The following NRG3 variants were observed in gnomAD, a reference collection of about 807,000 sequenced individuals.
NRG3 encodes pro-neuregulin-3, membrane-bound isoform.
NRG3 carries 31 observed loss-of-function variants against 66.9 expected under a neutral mutation model. The observed-to-expected ratio is 0.46, with a 90% confidence interval of 0.35 to 0.63. NRG3 has a LOEUF of 0.63. NRG3 is among the 20% of genes least tolerant of loss of function. The probability of loss-of-function intolerance (pLI) is 0.00; values close to 1 mark genes in which losing one functional copy is unlikely to be tolerated. For synonymous variants in NRG3, 393 were observed against 359.4 expected (o/e 1.09, Z -1.06); for missense variants, 910 against 878.9 (o/e 1.04, Z -0.45).
At chr10:82,336,368 G>A (rs2082386103) in intron 1 of NRG3, among the ~76,000 whole-genome samples, 1 of 152,062 alleles carries the variant, frequency 6.6e-6, no homozygotes, top group Admixed American at 6.5e-5. Context: ...ACAAAAGGAG[G>A]GGAGCTCATG....
At chr10:82,901,168 T>A (rs1247157502) in intron 4 of NRG3, among the ~76,000 whole-genome samples, 1 of 152,220 alleles carries the variant, frequency 6.6e-6, no homozygotes, top group African/African-American at 2.4e-5. Flanking sequence ...CGCTTGCCTT[T>A]GAGTGTTTTA....
At chr10:82,221,592 C>A (rs1185893197) in intron 1 of NRG3, among the ~76,000 whole-genome samples, 1 of 152,038 alleles carries the variant, frequency 6.6e-6, no homozygotes. Flanking sequence ...AAAATCAAAC[C>A]TAATGCACAA....
intron 1 of NRG3, among the ~76,000 whole-genome samples, chr10:81,926,929 C>T (rs1846858737): frequency 1.3e-5 from 2 of 152,082 alleles, no homozygotes; most frequent in African/African-American, 2.4e-5. Context: ...TGTGACAACT[C>T]AGTAAGATAA....
At chr10:82,793,333 A>G (rs578245130) in intron 3 of NRG3, among the ~76,000 whole-genome samples, 1 of 152,202 alleles carries the variant, frequency 6.6e-6, no homozygotes, top group African/African-American at 2.4e-5. Flanking sequence ...GGCTCACATT[A>G]AATAATGAAT....
At chr10:82,024,118 G>T (rs1185018761) in intron 1 of NRG3, among the ~76,000 whole-genome samples, 1 of 151,746 alleles carries the variant, frequency 6.6e-6, no homozygotes, top group East Asian at 1.9e-4. Context: ...CATTTTTTTA[G>T]GTTTTTCAAT....
At chr10:82,943,200 T>G in intron 4 of NRG3, among the ~76,000 whole-genome samples, 1 of 152,240 alleles carries the variant, frequency 6.6e-6, no homozygotes, top group East Asian at 1.9e-4. Flanking sequence ...TTCTAGGCAC[T>G]TTGTTCGTGC....
At chr10:81,904,782 T>C (rs1167192850) in intron 1 of NRG3, among the ~76,000 whole-genome samples, 1 of 152,132 alleles carries the variant, frequency 6.6e-6, no homozygotes. Flanking sequence ...CCAAACCGCC[T>C]CCTTTGTAAA....
At chr10:82,458,076 C>T (rs2091353699) in intron 2 of NRG3, among the ~76,000 whole-genome samples, 1 of 152,148 alleles carries the variant, frequency 6.6e-6, no homozygotes, top group Non-Finnish European at 1.5e-5. Context: ...GGGCCTCAGG[C>T]CCTGAGAGCC....
At chr10:81,884,052 C>T (rs1842407342) in intron 1 of NRG3, among the ~76,000 whole-genome samples, 1 of 152,178 alleles carries the variant, frequency 6.6e-6, no homozygotes, top group Non-Finnish European at 1.5e-5. Context: ...TTGATTATCT[C>T]ACTGATAGAG....
intron 1 of NRG3, among the ~76,000 whole-genome samples, chr10:82,110,727 G>A (rs1338174194): frequency 1.3e-5 from 2 of 152,076 alleles, no homozygotes; most frequent in East Asian, 3.9e-4. Flanking sequence ...AGATGAGTAG[G>A]TTTATGTCAG....
chr10:82,133,834 C>T (rs1280261050), intron 1 of NRG3, among the ~76,000 whole-genome samples: 2 of 152,120 alleles, frequency 1.3e-5, no homozygotes, highest in African/African-American at 2.4e-5. Flanking sequence ...TTTGAGGAAT[C>T]GCCATACTGC....
At chr10:82,787,996 G>A (rs1267025421) in intron 3 of NRG3, among the ~76,000 whole-genome samples, 1 of 152,274 alleles carries the variant, frequency 6.6e-6, no homozygotes, top group East Asian at 1.9e-4. Context: ...AAAGAATAGA[G>A]TTTGAAATTC....
chr10:82,568,609 A>G (rs1463676892), intron 2 of NRG3, among the ~76,000 whole-genome samples: 3 of 151,734 alleles, frequency 2.0e-5, no homozygotes, highest in Non-Finnish European at 4.4e-5. Context: ...TACTCAGAAG[A>G]GGTGAGTTAG....
chr10:82,476,435 C>G (rs1226053339), intron 2 of NRG3, among the ~76,000 whole-genome samples: 1 of 152,078 alleles, frequency 6.6e-6, no homozygotes, highest in Non-Finnish European at 1.5e-5. Flanking sequence ...TTCATAATAG[C>G]CAAAGGTGAA....
Position 82,717,851 on chromosome 10 carries a change from C to T in NRG3, c.954-20726C>T, listed in dbSNP as rs2057068749. On this transcript the variant is annotated intron_variant, in intron 2 of 8. Coordinates refer to ENST00000372141, the MANE Select transcript of NRG3 (RefSeq NM_001010848.4). ...TTTCTGTATGGTTCTATTGAAAAGT[C>T]TTTTTTTTTTTTTAATAGTGAGCCA... Among the ~76,000 whole-genome samples, 4 of 144,016 alleles carry T rather than the reference C, an allele frequency of 2.8e-5. No individual in the cohort carries two copies. The Admixed American group carries it at 2.8e-4, about 10-fold the overall frequency. The allele number at this position is 144,016 out of a possible 152,430, so 94.5% of individuals were successfully genotyped here. A position where few individuals can be genotyped will look rare whatever the true frequency, so the allele number is the denominator to read the frequency against.
chr10:82,672,399 C>A (rs530688221), intron 2 of NRG3, among the ~76,000 whole-genome samples: 1 of 152,136 alleles, frequency 6.6e-6, no homozygotes, highest in Admixed American at 6.5e-5. Context: ...TTTGAAAATG[C>A]ACCTGGGTGA....
At chr10:82,354,156 T>A (rs542015743) in intron 1 of NRG3, among the ~76,000 whole-genome samples, 8 of 150,316 alleles carry the variant, frequency 5.3e-5, no homozygotes, top group Non-Finnish European at 1.2e-4. Flanking sequence ...CACCTCAGCC[T>A]TCTGAGTAGC....
intron 2 of NRG3, among the ~76,000 whole-genome samples, chr10:82,366,630 G>A (rs1246316321): frequency 6.6e-6 from 1 of 151,856 alleles, no homozygotes; most frequent in African/African-American, 2.4e-5. Flanking sequence ...AATTGTTGTC[G>A]ATTTTGCAAT....
At chr10:82,767,873 T>TTCTCTCTCTCTC (rs61249173) in intron 3 of NRG3, among the ~76,000 whole-genome samples, 45 of 147,518 alleles carry the variant, frequency 3.1e-4, no homozygotes, top group African/African-American at 1.1e-3. Context: ...ATTATCTCTG[T>TTCTCTCTCTCTC]TCTCTCTCTC....
Sources: allele counts gnomAD v4.1 joint callset (sites outside exome capture counted in the v4.1 genomes callset), GRCh38; gene constraint gnomAD v4.1.1; transcripts MANE v1.5; gene names NCBI Gene and HGNC (gene_info 2026-07-23, HGNC 2026-07-21).